Variants in FAM149A observed in about 807,000 individuals in gnomAD.
FAM149A encodes the protein family with sequence similarity 149 member A.
A neutral mutation model predicts 78.2 loss-of-function variants in FAM149A; 71 were observed. That is an observed-to-expected ratio of 0.91 (90% CI 0.75 to 1.11). The LOEUF (loss-of-function observed/expected upper bound fraction) is 1.11. Among genes scored for constraint, FAM149A ranks in the 50% least tolerant of loss-of-function variants. The pLI is 0.00. For missense variants in FAM149A, 1,036 were observed against 971.0 expected, an observed-to-expected ratio of 1.07 and a Z score of -0.89; for synonymous variants, 446 against 410.5, an observed-to-expected ratio of 1.09 and a Z score of -1.04.
chr4:186,144,753 C>T lies in FAM149A; in HGVS notation c.567-4420C>T, dbSNP rs548223754. On this transcript the variant is annotated intron_variant, in intron 1 of 13. Coordinates refer to ENST00000389354, the MANE Select transcript of FAM149A (RefSeq NM_001367768.3). The surrounding 1 kb of genome is among the most constrained non-coding windows in gnomAD (Gnocchi z 4.2). ...CCGGGGCCGGGGCCGGGGCCCGGAG[C>T]GGGGATGGGCGGGCGCAGCCGGGAT... is the stretch of plus-strand genomic sequence containing the variant. 235 of 915,052 alleles carry T rather than the reference C, an allele frequency of 2.6e-4. 1 individual carries two copies. In the South Asian group the frequency reaches 9.9e-3, roughly 38 times the overall value. The allele number at this position is 915,052 out of a possible 1,614,324, so 56.7% of individuals were successfully genotyped here. A position where few individuals can be genotyped will look rare whatever the true frequency, so the allele number is the denominator to read the frequency against.
At chr4:186,142,361 G>A (rs964643003) in intron 1 of FAM149A, among the ~76,000 whole-genome samples, 4 of 152,160 alleles carry the variant, frequency 2.6e-5, no homozygotes, top group Admixed American at 2.6e-4. Flanking sequence ...TCATCTGTAC[G>A]CGGACATGCT....
Position 186,153,688 on chromosome 4 carries a change from C to T in FAM149A, c.976C>T (p.Gln326Ter), listed in dbSNP as rs950836693. The change falls in exon 5 of 14, where the codon CAG becomes TAG. Residue 326 changes from glutamine to a stop codon, truncating the protein, a stop_gained. Transcript: ENST00000389354. LOFTEE classifies it high-confidence loss of function. ...GATCCTGCCCACTGACAAAGGCGTC[C>T]AGCATTTCCAGGGCAGCACTCCTGC... is the stretch of plus-strand genomic sequence containing the variant. The T allele has an allele frequency of 6.2e-7, 1 of 1,614,090 alleles. No homozygotes were observed. The highest frequency in any genetic ancestry group is 8.5e-7 in the Non-Finnish European group (1 of 1,179,946).
chr4:186,140,216 T>C (rs540953256), intron 1 of FAM149A, among the ~76,000 whole-genome samples: 223 of 152,180 alleles, frequency 1.5e-3, no homozygotes, highest in Non-Finnish European at 2.9e-3. Flanking sequence ...TTTAGAGGAG[T>C]TGCTTATAAT....
intron 1 of FAM149A, chr4:186,132,128 T>C: frequency 1.0e-6 from 1 of 985,460 alleles, no homozygotes; most frequent in Non-Finnish European, 1.2e-6. Flanking sequence ...TGCTAATCAT[T>C]TGACAAATTA....
At chr4:186,159,466 A>G (rs1238827244) in intron 8 of FAM149A, among the ~76,000 whole-genome samples, 1 of 152,014 alleles carries the variant, frequency 6.6e-6, no homozygotes, top group Non-Finnish European at 1.5e-5. Context: ...GACTGGGCTG[A>G]GTTTAGGGGA....
At chr4:186,158,421 A>G in intron 8 of FAM149A, 2 of 1,177,064 alleles carry the variant, frequency 1.7e-6, no homozygotes, top group South Asian at 1.8e-5. Flanking sequence ...TGGCTCAGGG[A>G]GTTCTGGGCA....
intron 1 of FAM149A, among the ~76,000 whole-genome samples, chr4:186,128,642 T>A (rs1322949878): frequency 6.6e-6 from 1 of 152,220 alleles, no homozygotes; most frequent in Non-Finnish European, 1.5e-5. Flanking sequence ...AGCTCATGGT[T>A]TTTTGAAATT....
chr4:186,149,058 G>A (rs867396030), intron 1 of FAM149A, 115 bp from the exon 2 acceptor site: 1 of 699,150 alleles, frequency 1.4e-6, no homozygotes, highest in South Asian at 1.9e-5. Context: ...GGGTTTGGAG[G>A]GATGTGGCAG....
chr4:186,125,798 C>G (rs753084287), intron 1 of FAM149A: 3 of 985,200 alleles, frequency 3.0e-6, no homozygotes, highest in Non-Finnish European at 3.6e-6. Context: ...GCCATGAATA[C>G]CCAACCGTTT....
In FAM149A at chr4:186,149,704, C is replaced by T. The variant is rs557371114; in HGVS notation, c.789C>T (p.Asp263=). 8.9e-5 allele frequency: 113 copies of T among 1,271,970 alleles called. No individual in the cohort carries two copies. In the African/African-American group the frequency reaches 1.2e-3, roughly 13 times the overall value. 78.8% of individuals were successfully genotyped at this position (1,271,970 alleles called of 1,614,324 possible). The change falls in exon 3 of 14, where the codon GAC becomes GAT. Residue 263 remains aspartate (D), a splice_region_variant and synonymous_variant. Coordinates refer to ENST00000389354, the MANE Select transcript of FAM149A (RefSeq NM_001367768.3). ...GCTCCGTTTATTCCTGGAGAGATGA[C>T]GTATGTCTCAGAATATTTTGGATAA...
At chr4:186,142,225 G>A (rs550999340) in intron 1 of FAM149A, among the ~76,000 whole-genome samples, 1 of 152,198 alleles carries the variant, frequency 6.6e-6, no homozygotes, top group Non-Finnish European at 1.5e-5. Context: ...TCTCTTGTTG[G>A]ACAGGTGCCC....
chr4:186,105,519 GC>G lies in FAM149A; in HGVS notation c.447del (p.Gly150GlufsTer54). ...CTCCCCAGGAACCCGCTCCAGCCTG[GC>G]CCCGGAGAGCGAGAGCTCGGCGCCT... On this transcript the variant is annotated frameshift_variant, in exon 1 of 14. Transcript: ENST00000389354. LOFTEE classifies it high-confidence loss of function. 2.6e-6 allele frequency: 3 copies of G among 1,155,870 alleles called. No individual in the cohort carries two copies. Among genetic ancestry groups the G allele is most frequent in the East Asian group, 1.0e-4 (1 of 10,030 alleles). 71.6% of individuals were successfully genotyped at this position (1,155,870 alleles called of 1,614,324 possible). A position where few individuals can be genotyped will look rare whatever the true frequency, so the allele number is the denominator to read the frequency against.
rs538966809 is a variant in FAM149A at position 186,164,439 on chromosome 4, G to A, written c.1889+806G>A. 10 of 985,322 alleles carry A rather than the reference G, an allele frequency of 1.0e-5. No individual in the cohort carries two copies. Among genetic ancestry groups the A allele is most frequent in the East Asian group, 1.1e-4 (1 of 8,804 alleles). The allele number at this position is 985,322 out of a possible 1,614,324, so 61.0% of individuals were successfully genotyped here. A position where few individuals can be genotyped will look rare whatever the true frequency, so the allele number is the denominator to read the frequency against. ...TGCAGGGGAGCTGTTATCAGGAGCC[G>A]AGCTCAGGAGCGGGCGGCTGCCAAC... On this transcript the variant is annotated intron_variant, in intron 10 of 13. Transcript: ENST00000389354. This position sits in a 1 kb window ranked among gnomAD's most constrained non-coding sequence, Gnocchi z 4.0.
At chr4:186,158,445 C>A (rs574474281) in intron 8 of FAM149A, 12 of 1,145,894 alleles carry the variant, frequency 1.0e-5, no homozygotes, top group East Asian at 6.3e-5. Flanking sequence ...GTGACACCAT[C>A]CCCCAGGAAC....
Position 186,154,583 on chromosome 4 carries a change from G to T in FAM149A, c.1174G>T (p.Val392Phe). ...GGCACGTTCATCCCTGGAAGAAGAG[G>T]TTTACCATGTGGATGGAAAGATTGA... The change falls in exon 6 of 14, where the codon GTT (valine) becomes TTT (phenylalanine). Residue 392 changes from valine (V) to phenylalanine (F), a missense_variant. Transcript: ENST00000389354. The T allele has an allele frequency of 6.2e-7, 1 of 1,614,192 alleles. No homozygotes were observed. Among genetic ancestry groups the T allele is most frequent in the Non-Finnish European group, 8.5e-7 (1 of 1,180,028 alleles).
At chr4:186,120,260 A>G (rs754526704) in intron 1 of FAM149A, among the ~76,000 whole-genome samples, 2 of 152,202 alleles carry the variant, frequency 1.3e-5, no homozygotes, top group Non-Finnish European at 2.9e-5. Context: ...CATTTTACAC[A>G]TGAAGAAATT....
intron 1 of FAM149A, chr4:186,110,316 T>C: frequency 1.0e-6 from 1 of 973,734 alleles, no homozygotes; most frequent in South Asian, 4.7e-5. Flanking sequence ...AAGTTAGTAA[T>C]GCTTGCTGCT....
intron 1 of FAM149A, chr4:186,107,443 AGG>A (rs1561381076): frequency 3.3e-5 from 5 of 152,154 alleles, no homozygotes; most frequent in African/African-American, 9.7e-5. Context: ...TTTTGAGATG[AGG>A]TCTCCTTCTG....
At chr4:186,107,855 C>T (rs1338423844) in intron 1 of FAM149A, 2 of 152,222 alleles carry the variant, frequency 1.3e-5, no homozygotes, top group African/African-American at 4.8e-5. Flanking sequence ...GCAGACTGGC[C>T]CTCTGAGCAT....
Sources: allele counts gnomAD v4.1 joint callset (sites outside exome capture counted in the v4.1 genomes callset), GRCh38; gene constraint gnomAD v4.1.1; non-coding constraint Gnocchi (gnomAD v3.1); transcripts MANE v1.5; gene names NCBI Gene and HGNC (gene_info 2026-07-23, HGNC 2026-07-21).